The following PCDH15 variants were observed in gnomAD, a reference collection of about 807,000 sequenced individuals.
PCDH15 encodes the protein protocadherin-15.
PCDH15 carries 129 observed loss-of-function variants against 178.5 expected under a neutral mutation model. That is an observed-to-expected ratio of 0.72 (90% CI 0.63 to 0.84). PCDH15 has a LOEUF of 0.84. PCDH15 is among the 40% of genes least tolerant of loss of function. PCDH15 has a pLI of 0.00. For missense variants in PCDH15, 2,230 were observed against 2,099.9 expected, an observed-to-expected ratio of 1.06 and a Z score of -1.21; for synonymous variants, 800 against 732.0, an observed-to-expected ratio of 1.09 and a Z score of -1.50.
chr10:54,594,476 C>G (rs150783802), intron 2 of PCDH15, among the ~76,000 whole-genome samples: 3 of 152,114 alleles, frequency 2.0e-5, no homozygotes, highest in African/African-American at 7.2e-5. Flanking sequence ...TGTACCCCCC[C>G]AGGCACCTCA....
intron 3 of PCDH15, among the ~76,000 whole-genome samples, chr10:54,506,658 C>G (rs773717079): frequency 6.6e-6 from 1 of 151,984 alleles, no homozygotes; most frequent in African/African-American, 2.4e-5. Context: ...GTTGACTAAA[C>G]TGTGAGTTGG....
chr10:53,856,252 A>AT (rs1564620476), intron 28 of PCDH15, among the ~76,000 whole-genome samples: 1 of 150,664 alleles, frequency 6.6e-6, no homozygotes, highest in African/African-American at 2.4e-5. Flanking sequence ...AGAAAAAAAA[A>AT]TTTAAAATAA....
At chr10:54,837,131 T>C (rs1456261807) in intron 3 of PCDH15, among the ~76,000 whole-genome samples, 1 of 152,078 alleles carries the variant, frequency 6.6e-6, no homozygotes, top group African/African-American at 2.4e-5. Context: ...AAAAACTAAA[T>C]TTCATTAAAA....
intron 2 of PCDH15, among the ~76,000 whole-genome samples, chr10:55,028,397 T>C (rs1296246594): frequency 6.6e-6 from 1 of 151,878 alleles, no homozygotes; most frequent in Non-Finnish European, 1.5e-5. Context: ...ACGACACGTC[T>C]AAAACTAAAA....
At chr10:54,753,894 G>GTTT (rs755751275) in intron 1 of PCDH15, among the ~76,000 whole-genome samples, 968 of 85,400 alleles carry the variant, frequency 0.011, 20 homozygotes, top group Non-Finnish European at 0.018. Context: ...GTTTGTTTGT[G>GTTT]TTTTTTTTTT....
intron 26 of PCDH15, among the ~76,000 whole-genome samples, chr10:53,885,490 T>C: frequency 6.6e-6 from 1 of 152,200 alleles, no homozygotes; most frequent in African/African-American, 2.4e-5. Flanking sequence ...CCAGCTGTGC[T>C]GTTAGGGTTT....
At chr10:54,767,738 A>C (rs1948674173) in intron 1 of PCDH15, among the ~76,000 whole-genome samples, 1 of 152,148 alleles carries the variant, frequency 6.6e-6, no homozygotes, top group African/African-American at 2.4e-5. Flanking sequence ...AGCACCAACA[A>C]ATCCCAACAC....
chr10:54,941,463 T>C (rs1225357723), intron 2 of PCDH15, among the ~76,000 whole-genome samples: 1 of 152,106 alleles, frequency 6.6e-6, no homozygotes, highest in African/African-American at 2.4e-5. Context: ...TCCTTATTGA[T>C]GTTTTCTATT....
chr10:55,377,026 T>C (rs1178845080), intron 2 of PCDH15, among the ~76,000 whole-genome samples: 2 of 151,810 alleles, frequency 1.3e-5, no homozygotes, highest in Non-Finnish European at 2.9e-5. Context: ...GGCAAGGAAT[T>C]TGTGTTTAAA....
intron 1 of PCDH15, among the ~76,000 whole-genome samples, chr10:55,308,772 T>G (rs1843496597): frequency 6.6e-6 from 1 of 152,130 alleles, no homozygotes; most frequent in African/African-American, 2.4e-5. Context: ...TAAACAGCAA[T>G]CCTTCATTTA....
At chr10:54,825,831 G>A (rs532377934) in intron 3 of PCDH15, among the ~76,000 whole-genome samples, 3 of 151,954 alleles carry the variant, frequency 2.0e-5, no homozygotes, top group Non-Finnish European at 2.9e-5. Flanking sequence ...TTCATGCCAG[G>A]ATATGTACTT....
intron 33 of PCDH15, among the ~76,000 whole-genome samples, chr10:53,819,513 G>A (rs779438775): frequency 1.4e-4 from 22 of 151,736 alleles, no homozygotes; most frequent in Non-Finnish European, 2.2e-4. Flanking sequence ...ATATAATATC[G>A]ATGCACCTCT....
At chr10:54,373,022 A>G (rs1435102512) in intron 4 of PCDH15, among the ~76,000 whole-genome samples, 1 of 151,896 alleles carries the variant, frequency 6.6e-6, no homozygotes, top group African/African-American at 2.4e-5. Flanking sequence ...GAAAAAGAAA[A>G]AAATATAAAA....
chr10:54,047,666 G>T (rs2093683241), intron 18 of PCDH15, among the ~76,000 whole-genome samples: 1 of 151,804 alleles, frequency 6.6e-6, no homozygotes, highest in Non-Finnish European at 1.5e-5. Context: ...GAGAATAGGT[G>T]GTATTCGGTT....
At position 53,806,958 on chromosome 10, in the gene PCDH15, C is replaced by T. The variant is rs1161120610; in HGVS notation, c.4844G>A (p.Arg1615His). ...TAAGTTGTCCGTGAGGCAGGCACGG[C>T]GGGTTCTCACCACAGAACCATTCTG... The part of the protein sequence containing the change: ...IAQNGSVVRT[R>H]RACLTDNLKV... Residue 1615 changes from arginine to histidine, a missense_variant, in exon 38 of 38, where the codon CGC (arginine) becomes CAC (histidine). Physicochemically the swap from Arg to His is conservative, Grantham distance 29. Transcript: ENST00000644397. The T allele has an allele frequency of 4.3e-6, 7 of 1,613,746 alleles. No individual in the cohort carries two copies. The highest frequency in any genetic ancestry group is 1.3e-5 in the African/African-American group (1 of 74,988).
intron 1 of PCDH15, among the ~76,000 whole-genome samples, chr10:54,685,798 A>C (rs1038281423): frequency 6.6e-6 from 1 of 152,148 alleles, no homozygotes; most frequent in African/African-American, 2.4e-5. Flanking sequence ...ATACAAAGTT[A>C]ATTTTTATAA....
intron 2 of PCDH15, among the ~76,000 whole-genome samples, chr10:55,369,010 CAAAAAAAAAA>C (rs60906060): frequency 0.012 from 1,068 of 86,228 alleles, 10 homozygotes; most frequent in Admixed American, 0.019. Context: ...TTTTTGGGAC[CAAAAAAAAAA>C]AAAAAAAAAA....
chr10:54,985,972 G>A (rs58520431), intron 2 of PCDH15, among the ~76,000 whole-genome samples: 5,707 of 152,206 alleles, frequency 0.037, 380 homozygotes, highest in African/African-American at 0.13. Context: ...ATAACATAAG[G>A]CAAAATTCAA....
chr10:54,114,521 T>C (rs2095080080), intron 15 of PCDH15, among the ~76,000 whole-genome samples: 1 of 152,078 alleles, frequency 6.6e-6, no homozygotes, highest in African/African-American at 2.4e-5. Context: ...AGGGATATAA[T>C]AGCAAATAAA....
Sources: gnomAD v4.1 joint callset for allele counts (sites outside exome capture counted in the v4.1 genomes callset) on GRCh38, gnomAD v4.1.1 for gene constraint, MANE v1.5 for transcripts, NCBI Gene and HGNC (gene_info 2026-07-23, HGNC 2026-07-21) for gene names.